Variants in CCAR1 observed in about 807,000 individuals in gnomAD.
CCAR1 encodes cell division cycle and apoptosis regulator protein 1.
CCAR1 carries 78 observed loss-of-function variants against 163.8 expected under a neutral mutation model. The ratio of observed to expected loss-of-function variants is 0.48; its 90% CI spans 0.40 to 0.57. The LOEUF is 0.57. Among genes scored for constraint, CCAR1 ranks in the 20% least tolerant of loss-of-function variants. The probability of loss-of-function intolerance (pLI) is 0.00; values close to 1 mark genes in which losing one functional copy is unlikely to be tolerated. For synonymous variants in CCAR1, 443 were observed against 460.7 expected, an observed-to-expected ratio of 0.96 and a Z score of 0.49; for missense variants, 1,019 against 1,365.2, an observed-to-expected ratio of 0.75 and a Z score of 4.00.
At chr10:68,760,247 A>G (rs2056451760) in intron 15 of CCAR1, among the ~76,000 whole-genome samples, 1 of 152,126 alleles carries the variant, frequency 6.6e-6, no homozygotes, top group Non-Finnish European at 1.5e-5. Context: ...TCCTGGGCTC[A>G]AGCAGTCTTC....
chr10:68,763,550 C>A (rs1385145548), intron 16 of CCAR1, among the ~76,000 whole-genome samples: 1 of 152,068 alleles, frequency 6.6e-6, no homozygotes, highest in East Asian at 1.9e-4. Context: ...TGGGTTCAAG[C>A]GATTCTTGTA....
intron 2 of CCAR1, among the ~76,000 whole-genome samples, chr10:68,726,848 T>C (rs1035440059): frequency 6.6e-6 from 1 of 151,308 alleles, no homozygotes; most frequent in Non-Finnish European, 1.5e-5. Context: ...ATACAAAAAT[T>C]AGCCGGACAT....
Position 68,737,058 on chromosome 10 carries a change from T to C in CCAR1, c.246+10T>C. 1 of 1,596,670 alleles carries C rather than the reference T, an allele frequency of 6.3e-7. No homozygotes were observed. The highest frequency in any genetic ancestry group is 2.2e-5 in the East Asian group (1 of 44,718). ...AGCTGCATTACAACAGGTAAATCTT[T>C]AATATGTCTTATTATTTGATGTAGA... On this transcript the variant is annotated intron_variant, in intron 3 of 24. Transcript: ENST00000265872.
chr10:68,773,099 G>A lies in CCAR1; in HGVS notation c.2650G>A (p.Asp884Asn). The change falls in exon 19 of 25, where the codon GAT (aspartate) becomes AAT (asparagine). Residue 884 changes from aspartate (D) to asparagine (N), a missense_variant and splice_region_variant. By Grantham distance (23) the Asp-to-Asn change is conservative. Transcript: ENST00000265872. ...EAEEAEDEED[D>N]RDEEEMTKRD... ...AGAAGAAGCTGAGGATGAAGAAGAT[G>A]GTATGATTGAAATTTATTTATTACT... The A allele has an allele frequency of 7.0e-7, 1 of 1,435,798 alleles. No individual in the cohort carries two copies. Among genetic ancestry groups the A allele is most frequent in the Non-Finnish European group, 9.6e-7 (1 of 1,044,414 alleles). 88.9% of individuals were successfully genotyped at this position (1,435,798 alleles called of 1,614,324 possible).
intron 19 of CCAR1, among the ~76,000 whole-genome samples, chr10:68,775,315 CATAAT>C (rs1456828595): frequency 1.3e-5 from 2 of 152,102 alleles, no homozygotes; most frequent in African/African-American, 4.8e-5. Flanking sequence ...TTAGCAGTGA[CATAAT>C]ATTCATACAG....
intron 19 of CCAR1, among the ~76,000 whole-genome samples, chr10:68,774,153 A>G (rs371884000): frequency 2.0e-5 from 3 of 151,518 alleles, no homozygotes; most frequent in South Asian, 4.2e-4. Flanking sequence ...CGGCCTCCCA[A>G]TGTGCTGGGA....
At chr10:68,789,687 A>T in intron 23 of CCAR1, 23 bp from the exon 24 acceptor site, 1 of 1,400,222 alleles carries the variant, frequency 7.1e-7, no homozygotes, top group Non-Finnish European at 9.8e-7. Context: ...GTAAAATGTT[A>T]ATTTTTGGAT....
intron 20 of CCAR1, among the ~76,000 whole-genome samples, 154 bp downstream of exon 20, chr10:68,786,372 T>C (rs78135653): frequency 0.025 from 3,799 of 152,316 alleles, 65 homozygotes; most frequent in Non-Finnish European, 0.04. Context: ...AGATAACTAG[T>C]ATGTCTGATT....
At chr10:68,759,666 G>A (rs370078114) in intron 15 of CCAR1, among the ~76,000 whole-genome samples, 4 of 151,960 alleles carry the variant, frequency 2.6e-5, no homozygotes, top group South Asian at 2.1e-4. Flanking sequence ...CAATGCTGCC[G>A]CGGTGAGCCG....
chr10:68,761,017 T>G lies in CCAR1; in HGVS notation c.1931T>G (p.Leu644Arg). ...LDPKTMKVNDLRKELESRALS... is the reference protein window; with the variant it reads ...LDPKTMKVNDRRKELESRALS... ...GCTCCATATATTCAGGTAAATGACC[T>G]CCGAAAAGAATTAGAAAGTCGAGCT... The change falls in exon 16 of 25, where the codon CTC (leucine) becomes CGC (arginine). Residue 644 changes from leucine to arginine, a missense_variant. By Grantham distance (102) the Leu-to-Arg change is moderately radical. Around this residue, in one of 4 missense-constraint regions of CCAR1, gnomAD observed 644 missense variants for 904.4 expected, o/e 0.71. Transcript: ENST00000265872. 7.5e-7 allele frequency: 1 copy of G among 1,324,510 alleles called. No homozygotes were observed. The highest frequency in any genetic ancestry group is 9.8e-7 in the Non-Finnish European group (1 of 1,018,202). The allele number at this position is 1,324,510 out of a possible 1,614,324, so 82.0% of individuals were successfully genotyped here.
At chr10:68,722,948 T>A (rs1388340415) in intron 2 of CCAR1, among the ~76,000 whole-genome samples, 1 of 151,682 alleles carries the variant, frequency 6.6e-6, no homozygotes, top group Non-Finnish European at 1.5e-5. Context: ...ACAACATGAA[T>A]TAGGCTGTTC....
chr10:68,748,304 A>G (rs2056284585), intron 8 of CCAR1, among the ~76,000 whole-genome samples: 1 of 151,972 alleles, frequency 6.6e-6, no homozygotes, highest in Admixed American at 6.6e-5. Context: ...GGAGGCTGAG[A>G]CAGGAGAATC....
At chr10:68,743,883 A>G (rs1411092000) in intron 6 of CCAR1, among the ~76,000 whole-genome samples, 1 of 152,028 alleles carries the variant, frequency 6.6e-6, no homozygotes, top group Non-Finnish European at 1.5e-5. Context: ...CTAAGTAGCT[A>G]GGATTATAGG....
chr10:68,791,280 G>A lies in CCAR1; in HGVS notation c.*14G>A, dbSNP rs770659520. 8.4e-6 allele frequency: 13 copies of A among 1,556,186 alleles called. No homozygotes were observed. The highest frequency in any genetic ancestry group is 3.5e-5 in the Admixed American group (2 of 56,952). ...GCCAGTGTATGATAAAATCCATGTAGTGATGAGGAATGGTGTTAAATAATG... is the reference window on the plus strand; with the variant it reads ...GCCAGTGTATGATAAAATCCATGTAATGATGAGGAATGGTGTTAAATAATG... On this transcript the variant is annotated 3_prime_UTR_variant, in exon 25 of 25. Coordinates refer to ENST00000265872, the MANE Select transcript of CCAR1 (RefSeq NM_018237.4).
At chr10:68,759,577 A>T (rs998026520) in intron 15 of CCAR1, among the ~76,000 whole-genome samples, 3 of 151,216 alleles carry the variant, frequency 2.0e-5, no homozygotes, top group Non-Finnish European at 4.4e-5. Context: ...AAAAAAAATT[A>T]GCTGAGCATG....
chr10:68,770,708 A>G (rs1328388456), intron 17 of CCAR1, among the ~76,000 whole-genome samples: 1 of 152,162 alleles, frequency 6.6e-6, no homozygotes, highest in East Asian at 1.9e-4. Context: ...ATGCCACTGC[A>G]CTCCAGTTTG....
chr10:68,749,988 A>T (rs189586309), intron 10 of CCAR1, among the ~76,000 whole-genome samples: 1 of 152,164 alleles, frequency 6.6e-6, no homozygotes, highest in Non-Finnish European at 1.5e-5. Flanking sequence ...CTTGAAGATC[A>T]TGTATAGTCC....
At chr10:68,774,936 GT>G (rs571785279) in intron 19 of CCAR1, 3,608 of 303,234 alleles carry the variant, frequency 0.012, no homozygotes, top group South Asian at 0.021. Flanking sequence ...AGTTCTTTTT[GT>G]TTTTTTTTTT....
At chr10:68,738,779 G>A (rs2056146045) in intron 4 of CCAR1, among the ~76,000 whole-genome samples, 1 of 151,806 alleles carries the variant, frequency 6.6e-6, no homozygotes, top group South Asian at 2.1e-4. Context: ...AGGCACAGTG[G>A]TTCACGCCTG....
Sources: allele counts gnomAD v4.1 joint callset (sites outside exome capture counted in the v4.1 genomes callset), GRCh38; gene constraint gnomAD v4.1.1; regional missense constraint gnomAD v4.1.1; transcripts MANE v1.5; gene names NCBI Gene and HGNC (gene_info 2026-07-23, HGNC 2026-07-21).